The following STK33 variants were observed in gnomAD, a reference collection of about 807,000 sequenced individuals.
STK33 encodes the protein serine/threonine-protein kinase 33.
Under a neutral mutation model 58.0 loss-of-function variants are expected in STK33, and 52 were observed. The observed-to-expected ratio is 0.90, with a 90% CI of 0.72 to 1.13. The LOEUF (loss-of-function observed/expected upper bound fraction) is 1.13. Ranked by LOEUF, STK33 falls within the 50% of genes most tolerant of loss-of-function variation. The pLI, the probability that STK33 is intolerant of heterozygous loss-of-function variation, is 0.00. For synonymous variants in STK33, 215 were observed against 200.1 expected, an observed-to-expected ratio of 1.07 and a Z score of -0.63; for missense variants, 630 against 604.2, an observed-to-expected ratio of 1.04 and a Z score of -0.45.
At chr11:8,435,659 G>C (rs538963016) in intron 13 of STK33, 80 bp from the exon 14 acceptor site, 1 of 788,900 alleles carries the variant, frequency 1.3e-6, no homozygotes, top group Non-Finnish European at 1.9e-6. Flanking sequence ...TTAGGATTAG[G>C]TCAGTATAAC....
At chr11:8,381,907 T>G in the STK33 span, among the ~76,000 whole-genome samples, 2 of 152,232 alleles carry the variant, frequency 1.3e-5, no homozygotes, top group South Asian at 4.2e-4. Flanking sequence ...AACAGACACG[T>G]TGCATGTCAG....
chr11:8,481,309 A>T (rs1949778919), intron 1 of STK33, among the ~76,000 whole-genome samples: 1 of 152,250 alleles, frequency 6.6e-6, no homozygotes. Context: ...AAGTTTTAGC[A>T]GAAATAATAT....
chr11:8,433,457 T>TA (rs1230154475), intron 14 of STK33, among the ~76,000 whole-genome samples: 1 of 152,244 alleles, frequency 6.6e-6, no homozygotes, highest in African/African-American at 2.4e-5. Flanking sequence ...CCAGTGGCTT[T>TA]AAGTGGTGTT....
At chr11:8,480,335 G>C (rs1247799937) in intron 2 of STK33, 75 bp downstream of exon 2, 1 of 152,182 alleles carries the variant, frequency 6.6e-6, no homozygotes, top group Non-Finnish European at 1.5e-5. Flanking sequence ...AAAATTATAT[G>C]AAGATGAATC....
intron 1 of STK33, among the ~76,000 whole-genome samples, chr11:8,511,683 A>G (rs1373712612): frequency 6.6e-6 from 1 of 152,196 alleles, no homozygotes; most frequent in Non-Finnish European, 1.5e-5. Flanking sequence ...AGTTTTTATC[A>G]TAAAGAGATG....
At chr11:8,400,557 C>A (rs1196691317) in intron 15 of STK33, among the ~76,000 whole-genome samples, 1 of 152,146 alleles carries the variant, frequency 6.6e-6, no homozygotes, top group Non-Finnish European at 1.5e-5. Context: ...TGAAAACTGG[C>A]ACAAGACAGG....
intron 11 of STK33, among the ~76,000 whole-genome samples, chr11:8,446,169 G>C (rs1326200990): frequency 6.6e-6 from 1 of 152,128 alleles, no homozygotes; most frequent in Non-Finnish European, 1.5e-5. Context: ...TTTGTGTAGA[G>C]GTGTTTATAG....
chr11:8,345,859 A>G, the STK33 span, among the ~76,000 whole-genome samples: 3 of 152,244 alleles, frequency 2.0e-5, no homozygotes, highest in African/African-American at 7.2e-5. Context: ...TTAAGAAAGC[A>G]GCAGCGTGGA....
the STK33 span, among the ~76,000 whole-genome samples, chr11:8,386,725 A>AC: frequency 6.6e-6 from 1 of 152,156 alleles, no homozygotes; most frequent in Non-Finnish European, 1.5e-5. Flanking sequence ...ACTGCGCCTA[A>AC]CCGTCCTCTA....
intron 2 of STK33, among the ~76,000 whole-genome samples, chr11:8,480,144 G>A (rs1022235889): frequency 6.6e-6 from 1 of 152,158 alleles, no homozygotes; most frequent in Non-Finnish European, 1.5e-5. Flanking sequence ...AAGAGACAGT[G>A]GGTGCCGATT....
chr11:8,509,168 A>C (rs1952113412), intron 1 of STK33, among the ~76,000 whole-genome samples: 1 of 151,864 alleles, frequency 6.6e-6, no homozygotes, highest in African/African-American at 2.4e-5. Context: ...TTCAGACATT[A>C]AATGGCATAG....
At chr11:8,527,788 A>G (rs749044814) in intron 1 of STK33, among the ~76,000 whole-genome samples, 39 of 152,210 alleles carry the variant, frequency 2.6e-4, no homozygotes, top group Non-Finnish European at 4.0e-4. Context: ...CTATATGAGT[A>G]TTTTCCAGAG....
intron 1 of STK33, among the ~76,000 whole-genome samples, chr11:8,568,049 T>C (rs1957562613): frequency 6.6e-6 from 1 of 152,200 alleles, no homozygotes; most frequent in Admixed American, 6.5e-5. Flanking sequence ...CTTACAGGAA[T>C]GTGCATAAAA....
At chr11:8,513,432 T>C (rs1952503019) in intron 1 of STK33, among the ~76,000 whole-genome samples, 1 of 152,188 alleles carries the variant, frequency 6.6e-6, no homozygotes, top group Admixed American at 6.6e-5. Flanking sequence ...GCACTATTCA[T>C]GAATGCTGGT....
intron 1 of STK33, among the ~76,000 whole-genome samples, chr11:8,514,154 C>A (rs533346031): frequency 1.3e-5 from 2 of 152,296 alleles, no homozygotes; most frequent in South Asian, 4.1e-4. Flanking sequence ...GGATCTCATT[C>A]TTCTATATGG....
downstream of STK33, among the ~76,000 whole-genome samples, chr11:8,388,121 A>T (rs1225913477): frequency 6.6e-6 from 1 of 152,110 alleles, no homozygotes; most frequent in Non-Finnish European, 1.5e-5. Flanking sequence ...TGTTTGGAGG[A>T]GGAGGTCCAG....
At chr11:8,372,493 A>G in the STK33 span, among the ~76,000 whole-genome samples, 169 of 152,346 alleles carry the variant, frequency 1.1e-3, no homozygotes, top group South Asian at 3.3e-3. Context: ...CTTTCAGGAA[A>G]ACTCTCACAA....
At chr11:8,408,642 A>G (rs1184891204) in intron 15 of STK33, among the ~76,000 whole-genome samples, 1 of 152,238 alleles carries the variant, frequency 6.6e-6, no homozygotes, top group Non-Finnish European at 1.5e-5. Context: ...TAGTTATTCA[A>G]CTATGTTTGA....
intron 11 of STK33, among the ~76,000 whole-genome samples, chr11:8,446,216 G>C (rs1591125394): frequency 6.6e-6 from 1 of 152,084 alleles, no homozygotes; most frequent in African/African-American, 2.4e-5. Context: ...TGTGGGATCA[G>C]TGCTGATATC....
Sources: gnomAD v4.1 joint callset for allele counts (sites outside exome capture counted in the v4.1 genomes callset) on GRCh38, gnomAD v4.1.1 for gene constraint, MANE v1.5 for transcripts, NCBI Gene and HGNC (gene_info 2026-07-23, HGNC 2026-07-21) for gene names.